Variants in XKR6 observed in about 807,000 individuals in gnomAD.
The protein encoded by XKR6 is XK-related protein 6.
XKR6 carries 22 observed loss-of-function variants against 56.7 expected under a neutral mutation model. That is an observed-to-expected ratio of 0.39 (90% CI 0.28 to 0.55). The LOEUF (loss-of-function observed/expected upper bound fraction) is 0.55, where lower values mean the gene tolerates loss of function less well. Among genes scored for constraint, XKR6 ranks in the 20% least tolerant of loss-of-function variants. The pLI is 0.66. For missense variants in XKR6, 852 were observed against 889.0 expected (o/e 0.96, Z 0.53); for synonymous variants, 524 against 387.8 (o/e 1.35, Z -4.13).
chr8:11,198,117 T>C (rs1218955903), intron 1 of XKR6, among the ~76,000 whole-genome samples: 1 of 152,138 alleles, frequency 6.6e-6, no homozygotes, highest in Non-Finnish European at 1.5e-5. Flanking sequence ...AGATCTTCAA[T>C]AAAAACAGAG....
At chr8:11,061,307 G>C (rs972074013) in intron 1 of XKR6, among the ~76,000 whole-genome samples, 1 of 152,010 alleles carries the variant, frequency 6.6e-6, no homozygotes, top group Non-Finnish European at 1.5e-5. Context: ...TCTACAAAAA[G>C]ATACAAAAAT....
At chr8:11,045,646 C>G (rs1459507866) in intron 1 of XKR6, among the ~76,000 whole-genome samples, 1 of 152,140 alleles carries the variant, frequency 6.6e-6, no homozygotes, top group Non-Finnish European at 1.5e-5. Context: ...GCGGACAGCT[C>G]GGAGAAGATG....
intron 1 of XKR6, among the ~76,000 whole-genome samples, chr8:11,181,032 A>C (rs1297075509): frequency 6.6e-6 from 1 of 152,196 alleles, no homozygotes; most frequent in South Asian, 2.1e-4. Flanking sequence ...TTTTTGTTTA[A>C]AAGTTTGGGA....
chr8:10,993,991 C>T (rs1302140064), intron 1 of XKR6, among the ~76,000 whole-genome samples: 1 of 152,138 alleles, frequency 6.6e-6, no homozygotes, highest in East Asian at 1.9e-4. Flanking sequence ...TATCATGAGG[C>T]CTATATCCTG....
Position 10,924,649 on chromosome 8 carries a change from C to T in XKR6, c.946G>A (p.Ala316Thr), listed in dbSNP as rs1489256261. The T allele has an allele frequency of 6.8e-6, 11 of 1,606,874 alleles. No individual in the cohort carries two copies. Among genetic ancestry groups the T allele is most frequent in the Admixed American group, 1.7e-5 (1 of 59,850 alleles). Reference protein sequence around the residue: ...QLYIMLQKNSAETLPCVSSVT... With the variant: ...QLYIMLQKNSTETLPCVSSVT... ...GGGCACTCACAGGGCAGGGTCTCGG[C>T]GCTGTTCTTCTGGAGCATGATGTAG... The change falls in exon 2 of 3, where the codon GCC becomes ACC. Residue 316 changes from alanine to threonine, a missense_variant. This residue lies in a region of XKR6 where 199 missense variants were observed against 280.4 expected (regional missense o/e 0.71). Coordinates refer to ENST00000416569, the MANE Select transcript of XKR6 (RefSeq NM_173683.4).
intron 1 of XKR6, among the ~76,000 whole-genome samples, chr8:11,125,583 G>C (rs983442609): frequency 1.3e-5 from 2 of 152,142 alleles, no homozygotes; most frequent in Non-Finnish European, 2.9e-5. Flanking sequence ...ATGGCTTCCT[G>C]AGACCTATAC....
At position 10,984,732 on chromosome 8, in the gene XKR6, C is replaced by CTCTATA; in HGVS notation, c.765-59903_765-59902insTATAGA. On this transcript the variant is annotated intron_variant, in intron 1 of 2. Transcript: ENST00000416569. ...TCTCTCTCTCTCTCTCTCTCTCTCT[C>CTCTATA]TATATATATATATATATATATATAT... Among the ~76,000 whole-genome samples the CTCTATA allele has an allele frequency of 1.7e-3, 82 of 47,476 alleles. 2 individuals carry two copies. The highest frequency in any genetic ancestry group is 5.1e-3 in the African/African-American group (57 of 11,090). The allele number at this position is 47,476 out of a possible 152,430, so 31.1% of individuals were successfully genotyped here. A position where few individuals can be genotyped will look rare whatever the true frequency, so the allele number is the denominator to read the frequency against.
At chr8:11,131,436 G>A (rs1158856400) in intron 1 of XKR6, among the ~76,000 whole-genome samples, 1 of 152,098 alleles carries the variant, frequency 6.6e-6, no homozygotes, top group Admixed American at 6.5e-5. Context: ...CTTTATTTAT[G>A]ATGTTAAAGA....
intron 1 of XKR6, chr8:11,108,770 T>C (rs1387078563): frequency 5.8e-6 from 1 of 173,234 alleles, no homozygotes; most frequent in Admixed American, 6.3e-5. Context: ...CCGGCCAAGG[T>C]AAAATGAAGA....
chr8:11,032,624 G>A (rs564752696), intron 1 of XKR6, among the ~76,000 whole-genome samples: 2 of 152,206 alleles, frequency 1.3e-5, no homozygotes, highest in Non-Finnish European at 2.9e-5. Context: ...GGAAGTTGAG[G>A]GCAAGACTGT....
intron 1 of XKR6, among the ~76,000 whole-genome samples, chr8:11,168,713 T>C (rs1312732192): frequency 6.6e-6 from 1 of 152,200 alleles, no homozygotes; most frequent in Non-Finnish European, 1.5e-5. Flanking sequence ...GTTAGGTAGT[T>C]AGGGTAGGTC....
intron 1 of XKR6, among the ~76,000 whole-genome samples, chr8:11,183,052 T>G (rs969138886): frequency 6.6e-6 from 1 of 152,214 alleles, no homozygotes; most frequent in Non-Finnish European, 1.5e-5. Context: ...GAATTGCCTT[T>G]TTTTTGAGGC....
chr8:11,164,839 C>T lies in XKR6; in HGVS notation c.764+35737G>A, dbSNP rs1801990876. On this transcript the variant is annotated intron_variant, in intron 1 of 2. Transcript: ENST00000416569. The stretch of plus-strand genomic sequence containing the variant: ...CCTTGTATACCTGAGACCTGTCTCC[C>T]ATACCAACACCATCACTTAATTAAG... 3.3e-5 allele frequency among the ~76,000 whole-genome samples: 5 copies of T among 152,198 alleles called. No individual in the cohort carries two copies. In the South Asian group the frequency reaches 1.0e-3, roughly 31 times the overall value.
At chr8:11,132,012 A>G (rs1205970188) in intron 1 of XKR6, among the ~76,000 whole-genome samples, 3 of 152,124 alleles carry the variant, frequency 2.0e-5, no homozygotes, top group African/African-American at 7.3e-5. Flanking sequence ...TGCTGGCCCG[A>G]AGAGCCATTA....
At chr8:10,960,211 G>A (rs1802020376) in intron 1 of XKR6, among the ~76,000 whole-genome samples, 1 of 151,990 alleles carries the variant, frequency 6.6e-6, no homozygotes, top group South Asian at 2.1e-4. Context: ...CAGCAGGTGG[G>A]TGCAGGTATA....
intron 1 of XKR6, among the ~76,000 whole-genome samples, chr8:11,039,873 A>G (rs1291451861): frequency 1.3e-5 from 2 of 152,258 alleles, no homozygotes; most frequent in Non-Finnish European, 2.9e-5. Flanking sequence ...GCTGCTCTCC[A>G]AAGAGCAAAA....
chr8:10,953,841 T>TGG (rs1298166865), intron 1 of XKR6, among the ~76,000 whole-genome samples: 1 of 152,232 alleles, frequency 6.6e-6, no homozygotes, highest in Non-Finnish European at 1.5e-5. Flanking sequence ...CCACAGCCTC[T>TGG]GGCAAGTGCT....
At chr8:11,014,063 T>A (rs56179404) in intron 1 of XKR6, among the ~76,000 whole-genome samples, 55 of 152,354 alleles carry the variant, frequency 3.6e-4, no homozygotes, top group Non-Finnish European at 7.2e-4. Context: ...TCTAGATCCA[T>A]CATAATCTGT....
rs150618337 is a variant in XKR6 at position 10,915,013 on chromosome 8, C to T, written c.961+9621G>A. ...CCCACCCTCACCTCAGTGGCGCCTT[C>T]GTGGTCTCCCTGTTGAAGACCAATA... On this transcript the variant is annotated intron_variant, in intron 2 of 2. Coordinates refer to ENST00000416569, the MANE Select transcript of XKR6 (RefSeq NM_173683.4). Among the ~76,000 whole-genome samples the T allele has an allele frequency of 2.6e-4, 39 of 152,346 alleles. 1 individual carries two copies. The East Asian group carries it at 6.6e-3, about 26-fold the overall frequency.
Sources: allele counts gnomAD v4.1 joint callset (sites outside exome capture counted in the v4.1 genomes callset), GRCh38; gene constraint gnomAD v4.1.1; regional missense constraint gnomAD v4.1.1; transcripts MANE v1.5; gene names NCBI Gene and HGNC (gene_info 2026-07-23, HGNC 2026-07-21).